The following PCSK5 variants were observed in gnomAD, a reference collection of about 807,000 sequenced individuals.
The protein encoded by PCSK5 is prohormone convertase 5.
In PCSK5, 129 loss-of-function variants were observed where a neutral mutation model predicts 233.2. The observed-to-expected ratio is 0.55, with a 90% CI of 0.48 to 0.64. The LOEUF (loss-of-function observed/expected upper bound fraction) is 0.64. Ranked by LOEUF, PCSK5 falls within the 30% of genes least tolerant of loss-of-function variation. The pLI, the probability that PCSK5 is intolerant of heterozygous loss-of-function variation, is 0.00. For missense variants in PCSK5, 2,076 were observed against 2,430.1 expected (o/e 0.85, Z 3.06); for synonymous variants, 825 against 879.2 (o/e 0.94, Z 1.09).
At chr9:76,267,324 A>G (rs1174977600) in intron 24 of PCSK5, among the ~76,000 whole-genome samples, 2 of 152,222 alleles carry the variant, frequency 1.3e-5, no homozygotes, top group African/African-American at 2.4e-5. Context: ...CAAAAGAATC[A>G]TATCTTAGAT....
chr9:76,169,665 T>C (rs755245101), intron 12 of PCSK5, 39 bp from the exon 13 acceptor site: 17 of 1,605,574 alleles, frequency 1.1e-5, no homozygotes, highest in Non-Finnish European at 1.4e-5. Context: ...CTCATTGGAT[T>C]TGAAATATCG....
intron 34 of PCSK5, among the ~76,000 whole-genome samples, chr9:76,336,344 T>C (rs1465725478): frequency 1.3e-5 from 2 of 152,172 alleles, no homozygotes; most frequent in African/African-American, 4.8e-5. Context: ...CCTGTAGTGT[T>C]GCACCAGAGA....
chr9:76,294,970 T>C (rs1009936430), intron 25 of PCSK5, among the ~76,000 whole-genome samples: 7 of 150,224 alleles, frequency 4.7e-5, no homozygotes, highest in African/African-American at 1.8e-4. Flanking sequence ...CTGGGCAACA[T>C]GGCAAAACCC....
chr9:76,224,287 T>C (rs1282927637), intron 20 of PCSK5, among the ~76,000 whole-genome samples: 3 of 152,070 alleles, frequency 2.0e-5, no homozygotes, highest in African/African-American at 4.8e-5. Flanking sequence ...GGTGGAGAAA[T>C]ATTCTGAGGA....
At chr9:76,027,894 A>G (rs1234437409) in intron 5 of PCSK5, among the ~76,000 whole-genome samples, 6 of 152,168 alleles carry the variant, frequency 3.9e-5, no homozygotes, top group African/African-American at 1.4e-4. Context: ...CTGAAGTTGC[A>G]AAGAGAACTG....
At chr9:76,333,919 AGACT>A (rs1475023889) in intron 34 of PCSK5, among the ~76,000 whole-genome samples, 17 of 152,228 alleles carry the variant, frequency 1.1e-4, no homozygotes, top group Non-Finnish European at 1.9e-4. Flanking sequence ...AGTAAAAGAA[AGACT>A]GACTGTGTTT....
At chr9:76,000,073 A>C (rs1181684237) in intron 3 of PCSK5, among the ~76,000 whole-genome samples, 1 of 152,230 alleles carries the variant, frequency 6.6e-6, no homozygotes, top group African/African-American at 2.4e-5. Context: ...TTAGATTTAC[A>C]AGAAACAAAC....
chr9:76,241,636 A>C (rs1826435463), intron 24 of PCSK5, among the ~76,000 whole-genome samples: 1 of 152,134 alleles, frequency 6.6e-6, no homozygotes, highest in Non-Finnish European at 1.5e-5. Flanking sequence ...CCTGCAGGAG[A>C]TGATGGAGAC....
intron 3 of PCSK5, among the ~76,000 whole-genome samples, chr9:76,009,952 C>T (rs1827659028): frequency 6.6e-6 from 1 of 152,178 alleles, no homozygotes; most frequent in Non-Finnish European, 1.5e-5. Context: ...AAGCCAGTCA[C>T]GGGATGCATG....
At chr9:76,333,522 G>A (rs555642017) in intron 34 of PCSK5, among the ~76,000 whole-genome samples, 17 of 152,302 alleles carry the variant, frequency 1.1e-4, no homozygotes, top group South Asian at 1.0e-3. Context: ...CCTTCTAAAA[G>A]CATTTCATGG....
intron 22 of PCSK5, among the ~76,000 whole-genome samples, chr9:76,234,034 T>C (rs1321450704): frequency 2.0e-5 from 3 of 152,190 alleles, no homozygotes; most frequent in East Asian, 1.9e-4. Flanking sequence ...TGATTACAAA[T>C]GTGACCTTTT....
intron 5 of PCSK5, among the ~76,000 whole-genome samples, chr9:76,064,022 T>C (rs1830144521): frequency 1.3e-5 from 1 of 79,798 alleles, no homozygotes; most frequent in Admixed American, 1.1e-4. Context: ...CCCCCCCACC[T>C]CCCTCCCGGA....
intron 5 of PCSK5, 130 bp downstream of exon 5, chr9:76,027,167 G>GACACT: frequency 1.7e-6 from 1 of 595,262 alleles, no homozygotes; most frequent in South Asian, 2.3e-5. Context: ...AGATTAACAA[G>GACACT]TGTCTTTCCA....
chr9:76,187,623 G>A (rs1246203170), intron 17 of PCSK5, among the ~76,000 whole-genome samples: 2 of 151,942 alleles, frequency 1.3e-5, no homozygotes, highest in African/African-American at 2.4e-5. Flanking sequence ...TTGGCCTCCC[G>A]AAGTTCTGGG....
intron 37 of PCSK5, among the ~76,000 whole-genome samples, chr9:76,357,117 C>T (rs771454994): frequency 2.0e-5 from 3 of 152,232 alleles, no homozygotes; most frequent in African/African-American, 2.4e-5. Context: ...ATCCTCATCA[C>T]TAAAGTTACA....
At chr9:76,005,140 G>C (rs1462596409) in intron 3 of PCSK5, among the ~76,000 whole-genome samples, 1 of 152,116 alleles carries the variant, frequency 6.6e-6, no homozygotes, top group African/African-American at 2.4e-5. Flanking sequence ...GCAAAATACT[G>C]TTGGAATTAC....
intron 24 of PCSK5, 44 bp from the exon 25 acceptor site, chr9:76,292,189 C>A: frequency 8.5e-7 from 1 of 1,177,366 alleles, no homozygotes; most frequent in Non-Finnish European, 1.3e-6. Context: ...TTCCAAATGA[C>A]GAATTCCTCA....
intron 20 of PCSK5, among the ~76,000 whole-genome samples, chr9:76,190,580 A>G (rs1393284477): frequency 1.7e-5 from 2 of 115,606 alleles, no homozygotes; most frequent in East Asian, 5.9e-4. Flanking sequence ...ATAAAATTCA[A>G]TCATGTGAAG....
intron 2 of PCSK5, among the ~76,000 whole-genome samples, chr9:75,944,702 A>T (rs1232071637): frequency 6.6e-6 from 1 of 152,126 alleles, no homozygotes; most frequent in Non-Finnish European, 1.5e-5. Context: ...GATTTCATTA[A>T]TTCCCATTGC....
Sources: allele counts gnomAD v4.1 joint callset (sites outside exome capture counted in the v4.1 genomes callset), GRCh38; gene constraint gnomAD v4.1.1; transcripts MANE v1.5; gene names NCBI Gene and HGNC (gene_info 2026-07-23, HGNC 2026-07-21).